Variants in PKNOX2 observed in about 807,000 individuals in gnomAD.
PKNOX2 encodes the protein PBX/knotted 1 homeobox 2.
Under a neutral mutation model 53.1 loss-of-function variants are expected in PKNOX2, and 14 were observed. The ratio of observed to expected loss-of-function variants is 0.26; its 90% CI spans 0.17 to 0.41. PKNOX2 has a LOEUF of 0.41. Ranked by LOEUF, PKNOX2 falls within the 10% of genes least tolerant of loss-of-function variation. The pLI is 1.00. For synonymous variants in PKNOX2, 257 were observed against 242.8 expected (o/e 1.06, Z -0.54); for missense variants, 496 against 602.8 (o/e 0.82, Z 1.85).
At chr11:125,377,298 T>A (rs1194885607) in intron 5 of PKNOX2, among the ~76,000 whole-genome samples, 1 of 151,988 alleles carries the variant, frequency 6.6e-6, no homozygotes. Context: ...CACCCTAAAT[T>A]GTGAGTGAGG....
intron 6 of PKNOX2, among the ~76,000 whole-genome samples, chr11:125,391,674 T>C (rs1954059332): frequency 6.6e-6 from 1 of 152,236 alleles, no homozygotes; most frequent in South Asian, 2.1e-4. Context: ...TGTACTTTCC[T>C]GGGACTGTGA....
At chr11:125,315,436 G>C (rs1949117140) in intron 2 of PKNOX2, among the ~76,000 whole-genome samples, 1 of 152,028 alleles carries the variant, frequency 6.6e-6, no homozygotes, top group Non-Finnish European at 1.5e-5. Context: ...TGCTACCTTG[G>C]ACCACTTGGA....
intron 7 of PKNOX2, among the ~76,000 whole-genome samples, chr11:125,399,141 C>T (rs1954586960): frequency 6.6e-6 from 1 of 152,362 alleles, no homozygotes; most frequent in Middle Eastern, 3.4e-3. Flanking sequence ...ACATCCAACC[C>T]ACCCCAGTGG....
chr11:125,229,191 C>T (rs2135540519), intron 1 of PKNOX2, among the ~76,000 whole-genome samples: 1 of 152,298 alleles, frequency 6.6e-6, no homozygotes, highest in African/African-American at 2.4e-5. Context: ...CCACCACCCC[C>T]ACACTATCAC....
intron 1 of PKNOX2, among the ~76,000 whole-genome samples, chr11:125,217,274 C>T (rs1281110941): frequency 6.6e-6 from 1 of 152,154 alleles, no homozygotes; most frequent in Non-Finnish European, 1.5e-5. Context: ...TCTCTGGACA[C>T]CTTATTAGGC....
chr11:125,386,991 C>A (rs560811975), intron 6 of PKNOX2, among the ~76,000 whole-genome samples: 119 of 152,280 alleles, frequency 7.8e-4, no homozygotes, highest in African/African-American at 2.7e-3. Flanking sequence ...TGAAGGCATC[C>A]GAGAGCCCCA....
At chr11:125,380,395 G>A (rs1953138042) in intron 5 of PKNOX2, among the ~76,000 whole-genome samples, 1 of 152,152 alleles carries the variant, frequency 6.6e-6, no homozygotes, top group African/African-American at 2.4e-5. Flanking sequence ...AGAGAGATTG[G>A]GGTGGAGGGG....
intron 4 of PKNOX2, among the ~76,000 whole-genome samples, chr11:125,353,919 G>A (rs1051753597): frequency 2.6e-5 from 4 of 151,702 alleles, no homozygotes; most frequent in African/African-American, 9.8e-5. Flanking sequence ...AGCTAGGGCA[G>A]GGGTGGAGTG....
chr11:125,294,750 G>T (rs1456802446), intron 2 of PKNOX2, among the ~76,000 whole-genome samples: 2 of 152,232 alleles, frequency 1.3e-5, no homozygotes, highest in Non-Finnish European at 2.9e-5. Flanking sequence ...TTCTTCATCT[G>T]CAATACGAAC....
At chr11:125,205,314 G>A (rs1322331510) in intron 1 of PKNOX2, among the ~76,000 whole-genome samples, 3 of 152,018 alleles carry the variant, frequency 2.0e-5, no homozygotes, top group Admixed American at 6.6e-5. Flanking sequence ...GGGAGCGGGG[G>A]AGAGCTGGTG....
rs1956626188 is a variant in PKNOX2, at chr11:125,430,131, A to G, written c.1182A>G (p.Thr394=). 1 of 1,613,950 alleles carries G rather than the reference A, an allele frequency of 6.2e-7. No individual in the cohort carries two copies. Among genetic ancestry groups the G allele is most frequent in the South Asian group, 1.1e-5 (1 of 91,050 alleles). ...AGCAGCAGGGCGGTGCCCCAGGGAC[A>G]AACCCCGATGGTAAGAACTGGGGCT... ...VLQQQGGAPG[T]NPDGSINLDN... is the part of the protein sequence containing the mutation. Residue 394 remains threonine, a synonymous_variant, in exon 12 of 13, where the codon ACA becomes ACG. Coordinates refer to ENST00000298282, the MANE Select transcript of PKNOX2 (RefSeq NM_001382323.2).
intron 3 of PKNOX2, among the ~76,000 whole-genome samples, chr11:125,343,342 G>A (rs569526055): frequency 1.6e-4 from 24 of 152,150 alleles, no homozygotes; most frequent in African/African-American, 4.8e-4. Context: ...CACCACTTCC[G>A]TGAGCAGAAT....
chr11:125,351,577 C>T (rs1457313182), intron 4 of PKNOX2, among the ~76,000 whole-genome samples, 185 bp downstream of exon 4: 7 of 152,138 alleles, frequency 4.6e-5, no homozygotes, highest in African/African-American at 1.7e-4. Context: ...CAAACACAGA[C>T]CCCGAGGGCA....
chr11:125,178,395 C>T (rs1167445340), intron 1 of PKNOX2, among the ~76,000 whole-genome samples: 1 of 151,498 alleles, frequency 6.6e-6, no homozygotes, highest in East Asian at 1.9e-4. Flanking sequence ...CCTGTAATCC[C>T]AGCTACTTGG....
intron 2 of PKNOX2, among the ~76,000 whole-genome samples, chr11:125,273,041 T>C (rs767481472): frequency 6.6e-6 from 1 of 152,112 alleles, no homozygotes; most frequent in African/African-American, 2.4e-5. Flanking sequence ...GAAGAAAACT[T>C]GCAGTCTGCC....
At chr11:125,423,346 C>T (rs1302785565) in intron 10 of PKNOX2, among the ~76,000 whole-genome samples, 1 of 152,096 alleles carries the variant, frequency 6.6e-6, no homozygotes, top group Non-Finnish European at 1.5e-5. Context: ...TTAAGTACCC[C>T]CTTTTTCTCT....
chr11:125,315,742 A>G (rs1370399104), intron 2 of PKNOX2, among the ~76,000 whole-genome samples: 1 of 152,108 alleles, frequency 6.6e-6, no homozygotes, highest in African/African-American at 2.4e-5. Flanking sequence ...GGGCTAGAAA[A>G]GCCTTAGTGT....
chr11:125,258,933 G>A (rs1412445139), intron 2 of PKNOX2: 10 of 326,952 alleles, frequency 3.1e-5, no homozygotes, highest in Admixed American at 1.6e-4. Context: ...GACAGAAGCC[G>A]TGAAAACAGC....
chr11:125,210,551 G>T (rs1939713273), intron 1 of PKNOX2, among the ~76,000 whole-genome samples: 1 of 152,140 alleles, frequency 6.6e-6, no homozygotes, highest in Admixed American at 6.5e-5. Context: ...TGAAGAAGGT[G>T]CTCCCTCTGA....
Sources: gnomAD v4.1 joint callset for allele counts (sites outside exome capture counted in the v4.1 genomes callset) on GRCh38, gnomAD v4.1.1 for gene constraint, MANE v1.5 for transcripts, NCBI Gene and HGNC (gene_info 2026-07-23, HGNC 2026-07-21) for gene names.